The following ITSN1 variants were observed in gnomAD, a reference collection of about 807,000 sequenced individuals.
ITSN1 encodes intersectin-1.
ITSN1 carries 58 observed loss-of-function variants against 239.8 expected under a neutral mutation model. That is an observed-to-expected ratio of 0.24 (90% CI 0.20 to 0.30). ITSN1 has a LOEUF of 0.30. Among genes scored for constraint, ITSN1 ranks in the 10% least tolerant of loss-of-function variants. ITSN1 has a pLI of 1.00. For synonymous variants in ITSN1, 780 were observed against 770.8 expected, an observed-to-expected ratio of 1.01 and a Z score of -0.20; for missense variants, 1,558 against 2,103.3, an observed-to-expected ratio of 0.74 and a Z score of 5.07.
chr21:33,882,395 T>C lies in ITSN1; in HGVS notation c.4494T>C (p.Ser1498=), dbSNP rs375123893. Residue 1498 remains serine, a synonymous_variant, in exon 35 of 40, where the codon TCT becomes TCC. Transcript: ENST00000381318. This position sits in a 1 kb window ranked among gnomAD's most constrained non-coding sequence, Gnocchi z 4.5. ...CTCAGATCACGAAGCCTTTGGGGTC[T>C]TCTGGCACCGACAAAGTCTTCAGCC... is the stretch of plus-strand genomic sequence containing the variant. ...LLTQITKPLG[S]SGTDKVFSPK... is the part of the protein sequence containing the mutation. 2 of 1,614,154 alleles carry C rather than the reference T, an allele frequency of 1.2e-6. No individual in the cohort carries two copies. The highest frequency in any genetic ancestry group is 1.7e-6 in the Non-Finnish European group (2 of 1,180,024).
At chr21:33,661,435 G>A (rs2089548501) in intron 1 of ITSN1, among the ~76,000 whole-genome samples, 2 of 151,896 alleles carry the variant, frequency 1.3e-5, no homozygotes, top group African/African-American at 4.8e-5. Flanking sequence ...TTGTAAAACT[G>A]ACTTTTTTTT....
At chr21:33,671,849 T>TA (rs1201490802) in intron 1 of ITSN1, among the ~76,000 whole-genome samples, 1 of 152,234 alleles carries the variant, frequency 6.6e-6, no homozygotes, top group Non-Finnish European at 1.5e-5. Context: ...ATCTCACCGT[T>TA]AATCAGTGTT....
intron 26 of ITSN1, 100 bp downstream of exon 26, chr21:33,826,963 G>T (rs776202403): frequency 3.1e-6 from 3 of 968,752 alleles, no homozygotes; most frequent in African/African-American, 1.6e-5. Flanking sequence ...AAAATAAAAA[G>T]AATCTTTCCT....
At chr21:33,701,203 A>G (rs1471768561) in intron 1 of ITSN1, among the ~76,000 whole-genome samples, 1 of 152,144 alleles carries the variant, frequency 6.6e-6, no homozygotes, top group East Asian at 1.9e-4. Flanking sequence ...GGTTCAAGCA[A>G]TCCTTCCGCC....
chr21:33,888,282 G>A lies in ITSN1; in HGVS notation c.5148G>A (p.Gln1716=). The A allele has an allele frequency of 6.2e-7, 1 of 1,613,746 alleles. No individual in the cohort carries two copies. Among genetic ancestry groups the A allele is most frequent in the Non-Finnish European group, 8.5e-7 (1 of 1,179,894 alleles). Residue 1716 remains glutamine (Q), a synonymous_variant, in exon 40 of 40, where the codon CAG becomes CAA. Transcript: ENST00000381318. ...TGEIVVRLDL[Q]LFDEP Reference sequence around the variant, plus strand: ...AGATTGTGGTCCGCTTGGACCTGCAGTTGTTTGATGAGCCGTAGGCAGCGG... The same window carrying A: ...AGATTGTGGTCCGCTTGGACCTGCAATTGTTTGATGAGCCGTAGGCAGCGG...
chr21:33,797,967 C>A lies in ITSN1; in HGVS notation c.2182+359C>A, dbSNP rs1330647183. Among the ~76,000 whole-genome samples, 1 of 152,250 alleles carries A rather than the reference C, an allele frequency of 6.6e-6. No individual in the cohort carries two copies. Among genetic ancestry groups the A allele is most frequent in the Non-Finnish European group, 1.5e-5 (1 of 68,040 alleles). Reference sequence around the variant, plus strand: ...GCTGTTTCTGCAACAGAAAGTGGCACCTTTCACCCTTGCCTCCACTGATGG... The same window carrying A: ...GCTGTTTCTGCAACAGAAAGTGGCAACTTTCACCCTTGCCTCCACTGATGG... On this transcript the variant is annotated intron_variant, in intron 18 of 39. Transcript: ENST00000381318. The surrounding 1 kb of genome is among the most constrained non-coding windows in gnomAD (Gnocchi z 4.9).
intron 29 of ITSN1, among the ~76,000 whole-genome samples, chr21:33,854,762 C>T (rs1476315724): frequency 6.6e-6 from 1 of 152,220 alleles, no homozygotes; most frequent in Non-Finnish European, 1.5e-5. Flanking sequence ...GCAGAGGGCT[C>T]AAGCTCAGAC....
chr21:33,864,659 G>C (rs1569317631), intron 31 of ITSN1, among the ~76,000 whole-genome samples: 1 of 152,170 alleles, frequency 6.6e-6, no homozygotes, highest in Non-Finnish European at 1.5e-5. Flanking sequence ...ATTTATACCT[G>C]GCTTTTGCTG....
intron 20 of ITSN1, among the ~76,000 whole-genome samples, chr21:33,809,195 A>G (rs374871997): frequency 6.6e-5 from 10 of 152,350 alleles, no homozygotes; most frequent in African/African-American, 2.4e-4. Flanking sequence ...TGTGGGTGTA[A>G]GTGTGAGCAG....
In ITSN1 at chr21:33,895,839, G is replaced by T. The variant is rs1986748108; in HGVS notation, c.*7539G>T. ...CCTGTCATCCTGGTCAGGACTAGTC[G>T]CGTGGTTTGCGGACAGAGTGCAAAA... On this transcript the variant is annotated 3_prime_UTR_variant, in exon 40 of 40. Coordinates refer to ENST00000381318, the MANE Select transcript of ITSN1 (RefSeq NM_003024.3). 1 of 152,196 alleles carries T rather than the reference G, an allele frequency of 6.6e-6. No individual in the cohort carries two copies. The highest frequency in any genetic ancestry group is 1.5e-5 in the Non-Finnish European group (1 of 68,064). The allele number at this position is 152,196 out of a possible 1,614,324, so 9.4% of individuals were successfully genotyped here.
intron 29 of ITSN1, among the ~76,000 whole-genome samples, chr21:33,842,062 C>T (rs929491911): frequency 1.3e-5 from 2 of 151,740 alleles, no homozygotes; most frequent in African/African-American, 4.8e-5. Flanking sequence ...CACCATGCCT[C>T]GCTAATTTTT....
intron 7 of ITSN1, among the ~76,000 whole-genome samples, chr21:33,753,464 T>A (rs369283501): frequency 6.6e-6 from 1 of 151,848 alleles, no homozygotes; most frequent in Admixed American, 6.6e-5. Context: ...AGTTCCTTTT[T>A]AAAAAAAATT....
intron 1 of ITSN1, among the ~76,000 whole-genome samples, chr21:33,688,978 A>G (rs1212634900): frequency 6.6e-6 from 1 of 151,860 alleles, no homozygotes; most frequent in African/African-American, 2.4e-5. Context: ...ACGCCCGGCT[A>G]ATTTTGGTAT....
chr21:33,790,077 GCTGTGCTTGATCA>G (rs2070988361), intron 16 of ITSN1, among the ~76,000 whole-genome samples: 1 of 152,058 alleles, frequency 6.6e-6, no homozygotes, highest in African/African-American at 2.4e-5. Context: ...TGGTTCATGA[GCTGTGCTTGATCA>G]AAGACCCCTT....
At chr21:33,807,804 A>T (rs2072575093) in intron 20 of ITSN1, among the ~76,000 whole-genome samples, 1 of 152,192 alleles carries the variant, frequency 6.6e-6, no homozygotes, top group South Asian at 2.1e-4. Context: ...AAGAAGGTAA[A>T]CCTAGAGGGA....
At chr21:33,687,057 A>G (rs1309471168) in intron 1 of ITSN1, among the ~76,000 whole-genome samples, 1 of 152,116 alleles carries the variant, frequency 6.6e-6, no homozygotes, top group Non-Finnish European at 1.5e-5. Flanking sequence ...TCAGCTGGGT[A>G]CGGTGGCCCA....
At chr21:33,664,154 A>C (rs1184778347) in intron 1 of ITSN1, among the ~76,000 whole-genome samples, 1 of 152,116 alleles carries the variant, frequency 6.6e-6, no homozygotes, top group Non-Finnish European at 1.5e-5. Flanking sequence ...TATAAAGAAA[A>C]AGGTTTATTT....
chr21:33,804,080 A>T (rs1163363104), intron 20 of ITSN1, among the ~76,000 whole-genome samples: 1 of 152,184 alleles, frequency 6.6e-6, no homozygotes, highest in Non-Finnish European at 1.5e-5. Flanking sequence ...GTAGTACAAC[A>T]TTACTGTCAG....
At chr21:33,786,866 G>A (rs1347369332) in intron 16 of ITSN1, among the ~76,000 whole-genome samples, 1 of 152,140 alleles carries the variant, frequency 6.6e-6, no homozygotes, top group Non-Finnish European at 1.5e-5. Flanking sequence ...GCAGTGCCTG[G>A]CAGTTCTCCT....
Sources: allele counts gnomAD v4.1 joint callset (sites outside exome capture counted in the v4.1 genomes callset), GRCh38; gene constraint gnomAD v4.1.1; non-coding constraint Gnocchi (gnomAD v3.1); transcripts MANE v1.5; gene names NCBI Gene and HGNC (gene_info 2026-07-23, HGNC 2026-07-21).